Variants in ABI1 observed in about 807,000 individuals in gnomAD.
The protein encoded by ABI1 is abl interactor 1, also known as Abelson interactor 1.
ABI1 carries 14 observed loss-of-function variants against 54.6 expected under a neutral mutation model. The observed-to-expected ratio is 0.26, with a 90% CI of 0.17 to 0.40. The LOEUF (loss-of-function observed/expected upper bound fraction) is 0.40. ABI1 is among the 10% of genes least tolerant of loss of function. ABI1 has a pLI of 1.00. For missense variants in ABI1, 443 were observed against 598.3 expected (o/e 0.74, Z 2.71); for synonymous variants, 194 against 209.3 (o/e 0.93, Z 0.63).
intron 2 of ABI1, among the ~76,000 whole-genome samples, chr10:26,791,679 C>T (rs1432404762): frequency 1.3e-5 from 2 of 151,852 alleles, no homozygotes; most frequent in Non-Finnish European, 2.9e-5. Context: ...ACCAATACAA[C>T]AGAAGAGAGA....
intron 10 of ABI1, 87 bp from the exon 11 acceptor site, chr10:26,748,832 G>T: frequency 1.1e-6 from 1 of 934,684 alleles, no homozygotes; most frequent in Non-Finnish European, 1.6e-6. Context: ...TAAATATATA[G>T]CACAGCAAAA....
chr10:26,855,621 T>C (rs997854716), intron 1 of ABI1, among the ~76,000 whole-genome samples: 2 of 152,202 alleles, frequency 1.3e-5, no homozygotes, highest in Non-Finnish European at 2.9e-5. Flanking sequence ...TATTACCCTC[T>C]ACCCTTCTCT....
chr10:26,849,647 C>T (rs2050243731), intron 1 of ABI1, among the ~76,000 whole-genome samples: 1 of 152,116 alleles, frequency 6.6e-6, no homozygotes, highest in Non-Finnish European at 1.5e-5. Context: ...TAAAGTAAGC[C>T]TAATACTTCA....
intron 6 of ABI1, among the ~76,000 whole-genome samples, chr10:26,765,856 C>T (rs1839892347): frequency 6.6e-6 from 1 of 152,118 alleles, no homozygotes; most frequent in South Asian, 2.1e-4. Flanking sequence ...ATAATGATAA[C>T]ACAGTACTTA....
At chr10:26,777,703 G>A (rs1841590137) in intron 2 of ABI1, among the ~76,000 whole-genome samples, 1 of 152,150 alleles carries the variant, frequency 6.6e-6, no homozygotes, top group African/African-American at 2.4e-5. Flanking sequence ...CAACCGGGGA[G>A]GTCGAGGCTG....
intron 2 of ABI1, among the ~76,000 whole-genome samples, chr10:26,780,096 A>T (rs959772915): frequency 6.6e-6 from 1 of 152,188 alleles, no homozygotes; most frequent in African/African-American, 2.4e-5. Flanking sequence ...CTTCTAAAAA[A>T]TGATGCCATT....
intron 2 of ABI1, among the ~76,000 whole-genome samples, chr10:26,785,203 G>A (rs1413150704): frequency 6.6e-6 from 1 of 152,198 alleles, no homozygotes; most frequent in Non-Finnish European, 1.5e-5. Flanking sequence ...AATCTTACCA[G>A]AAGCCAAGAA....
At chr10:26,812,798 C>G (rs1343659949) in intron 2 of ABI1, among the ~76,000 whole-genome samples, 1 of 152,172 alleles carries the variant, frequency 6.6e-6, no homozygotes, top group African/African-American at 2.4e-5. Context: ...ATTCTGTAAC[C>G]TCATTTTAAC....
At chr10:26,783,002 G>A (rs1842321323) in intron 2 of ABI1, among the ~76,000 whole-genome samples, 1 of 152,118 alleles carries the variant, frequency 6.6e-6, no homozygotes, top group Non-Finnish European at 1.5e-5. Context: ...AGAATTCAAA[G>A]CAGGGTCACC....
intron 8 of ABI1, among the ~76,000 whole-genome samples, chr10:26,758,637 T>C (rs1408853574): frequency 6.6e-6 from 1 of 152,234 alleles, no homozygotes; most frequent in East Asian, 1.9e-4. Context: ...TTAAAAGTGA[T>C]AGCCAGCAAT....
intron 2 of ABI1, among the ~76,000 whole-genome samples, chr10:26,779,404 A>G (rs1298355009): frequency 2.6e-5 from 4 of 152,174 alleles, no homozygotes; most frequent in Admixed American, 6.6e-5. Flanking sequence ...AGATAGGAGG[A>G]CTTCCTTATC....
At chr10:26,751,865 T>C in intron 9 of ABI1, 82 bp from the exon 10 acceptor site, 1 of 1,285,392 alleles carries the variant, frequency 7.8e-7, no homozygotes. Context: ...AAGAAAGCTC[T>C]AACTTAAGTA....
chr10:26,808,991 C>T (rs940990019), intron 2 of ABI1, among the ~76,000 whole-genome samples: 2 of 151,862 alleles, frequency 1.3e-5, no homozygotes, highest in African/African-American at 4.8e-5. Flanking sequence ...AACAACTGGC[C>T]GGGCACGGTG....
chr10:26,829,770 G>T (rs752628179), intron 1 of ABI1, among the ~76,000 whole-genome samples: 8 of 152,024 alleles, frequency 5.3e-5, no homozygotes, highest in Non-Finnish European at 1.0e-4. Context: ...AAACCAAAAA[G>T]TCACTAGCGA....
rs192612732 is a variant in ABI1 at position 26,763,266 on chromosome 10, A to T, written c.820+1952T>A. Among the ~76,000 whole-genome samples, 5 of 152,290 alleles carry T rather than the reference A, an allele frequency of 3.3e-5. No homozygotes were observed. In the East Asian group the frequency reaches 9.7e-4, roughly 29 times the overall value. ...ATCCATTTCTACCCAGATTACTGTG[A>T]TTGTGTATTTCTAGACTCAATGGTT... On this transcript the variant is annotated intron_variant, in intron 7 of 10. Coordinates refer to ENST00000376140, the MANE Select transcript of ABI1 (RefSeq NM_001012750.3).
At chr10:26,769,052 C>G (rs1027658752) in intron 5 of ABI1, 60 bp from the exon 6 acceptor site, 1 of 1,317,822 alleles carries the variant, frequency 7.6e-7, no homozygotes. Context: ...GTATTTTTCC[C>G]AAAAATATGT....
intron 1 of ABI1, among the ~76,000 whole-genome samples, chr10:26,827,205 G>A (rs1207927959): frequency 6.6e-6 from 1 of 150,906 alleles, no homozygotes; most frequent in Non-Finnish European, 1.5e-5. Context: ...GAGCCACCGT[G>A]CCCGGCCTGG....
At chr10:26,832,170 A>G (rs374672816) in intron 1 of ABI1, among the ~76,000 whole-genome samples, 1 of 152,250 alleles carries the variant, frequency 6.6e-6, no homozygotes, top group Non-Finnish European at 1.5e-5. Context: ...TTTTAAGGAC[A>G]TGATTACTTG....
intron 2 of ABI1, 30 bp from the exon 3 acceptor site, chr10:26,777,271 A>T: frequency 6.4e-7 from 1 of 1,552,588 alleles, no homozygotes; most frequent in Non-Finnish European, 8.8e-7. Context: ...AAACAAGAAA[A>T]TATTATTTGA....
Sources: gnomAD v4.1 joint callset for allele counts (sites outside exome capture counted in the v4.1 genomes callset) on GRCh38, gnomAD v4.1.1 for gene constraint, MANE v1.5 for transcripts, NCBI Gene and HGNC (gene_info 2026-07-23, HGNC 2026-07-21) for gene names.